IL17RD: variants seen among roughly 807,000 people sequenced by gnomAD.
IL17RD encodes the protein interleukin-17 receptor D.
Under a neutral mutation model 80.5 loss-of-function variants are expected in IL17RD, and 52 were observed. The observed-to-expected ratio is 0.65, with a 90% confidence interval of 0.52 to 0.81. The LOEUF is 0.81. IL17RD is among the 40% of genes least tolerant of loss of function. The pLI is 0.00. For synonymous variants in IL17RD, 416 were observed against 391.8 expected (o/e 1.06, Z -0.73); for missense variants, 1,024 against 955.1 (o/e 1.07, Z -0.95).
chr3:57,168,484 A>G (rs1423570087), upstream of IL17RD, among the ~76,000 whole-genome samples: 1 of 152,206 alleles, frequency 6.6e-6, no homozygotes. Flanking sequence ...AAACATGCCT[A>G]GAATGACATC....
upstream of IL17RD, chr3:57,170,204 C>T (rs1407882050): frequency 2.6e-5 from 4 of 152,314 alleles, no homozygotes; most frequent in Non-Finnish European, 1.5e-5. Flanking sequence ...CCCAGGACGC[C>T]CACCCCATAG....
chr3:57,098,111 C>A lies in IL17RD; in HGVS notation c.1592G>T (p.Arg531Met), dbSNP rs564636157. Reference sequence around the variant, plus strand: ...GCCTGACTTGCTCCGGAAGTAGTTCCTTCTGCTGCCCTGTCGCGTGTGCTG... The same window carrying A: ...GCCTGACTTGCTCCGGAAGTAGTTCATTCTGCTGCCCTGTCGCGTGTGCTG... ...PGQHTRQGSR[R>M]NYFRSKSGRS... is the part of the protein sequence containing the mutation. Residue 531 changes from arginine (R) to methionine (M), a missense_variant, in exon 12 of 13, where the codon AGG becomes ATG. By Grantham distance (91) the Arg-to-Met change is moderately conservative. Coordinates refer to ENST00000296318, the MANE Select transcript of IL17RD (RefSeq NM_017563.5). 1.1e-5 allele frequency: 17 copies of A among 1,613,980 alleles called. No homozygotes were observed. The East Asian group carries it at 3.8e-4, about 36-fold the overall frequency.
At position 57,106,139 on chromosome 3, in the gene IL17RD, A is replaced by C; in HGVS notation, c.566T>G (p.Leu189Ter). 6.2e-7 allele frequency: 1 copy of C among 1,612,362 alleles called. No homozygotes were observed. Among genetic ancestry groups the C allele is most frequent in the Admixed American group, 1.7e-5 (1 of 59,896 alleles). The change falls in exon 6 of 13, where the codon TTA (leucine) becomes TGA (stop). Residue 189 changes from leucine to a stop codon, truncating the protein, a stop_gained. Coordinates refer to ENST00000296318, the MANE Select transcript of IL17RD (RefSeq NM_017563.5). LOFTEE classifies it high-confidence loss of function. ...FFRTRACDLL[L>*]QPDNLACKPF... ...TTTACAAGCTAGATTGTCCGGCTGTAACAACAGGTCACAGGCTATTAAGAG... is the reference window on the plus strand; with the variant it reads ...TTTACAAGCTAGATTGTCCGGCTGTCACAACAGGTCACAGGCTATTAAGAG...
intron 1 of IL17RD, among the ~76,000 whole-genome samples, chr3:57,146,243 C>A (rs1402969598): frequency 6.6e-6 from 1 of 152,136 alleles, no homozygotes; most frequent in African/African-American, 2.4e-5. Flanking sequence ...ATTTTAAATT[C>A]TTACTTTAAA....
intron 4 of IL17RD, 62 bp downstream of exon 4, chr3:57,110,131 C>A: frequency 6.5e-7 from 1 of 1,541,994 alleles, no homozygotes; most frequent in South Asian, 1.2e-5. Flanking sequence ...ACTTTGAATA[C>A]ACTATTCAGG....
intron 1 of IL17RD, among the ~76,000 whole-genome samples, chr3:57,127,355 T>C (rs1420329040): frequency 1.1e-5 from 1 of 94,586 alleles, no homozygotes; most frequent in African/African-American, 5.2e-5. Context: ...TATAAATATA[T>C]ATAAATATAA....
At position 57,092,224 on chromosome 3, in the gene IL17RD, G is replaced by C. The variant is rs1243018080; in HGVS notation, c.*4169C>G. 1 of 152,622 alleles carries C rather than the reference G, an allele frequency of 6.6e-6. No individual in the cohort carries two copies. Among genetic ancestry groups the C allele is most frequent in the South Asian group, 2.1e-4 (1 of 4,824 alleles). 9.5% of individuals were successfully genotyped at this position (152,622 alleles called of 1,614,324 possible). ...CATGTCTTGGCCTATGCTCAGAATTGCACACCACCTGAAAAAAATTATGCC... is the reference window on the plus strand; with the variant it reads ...CATGTCTTGGCCTATGCTCAGAATTCCACACCACCTGAAAAAAATTATGCC... On this transcript the variant is annotated 3_prime_UTR_variant, in exon 13 of 13. Coordinates refer to ENST00000296318, the MANE Select transcript of IL17RD (RefSeq NM_017563.5).
At chr3:57,116,675 A>C (rs1387464211) in intron 2 of IL17RD, among the ~76,000 whole-genome samples, 1 of 152,086 alleles carries the variant, frequency 6.6e-6, no homozygotes, top group East Asian at 1.9e-4. Flanking sequence ...AGCAATCAAC[A>C]TATGTTCTCT....
At chr3:57,120,131 C>T in intron 2 of IL17RD, 125 bp downstream of exon 2, 2 of 741,758 alleles carry the variant, frequency 2.7e-6, no homozygotes, top group Non-Finnish European at 4.7e-6. Flanking sequence ...TAGCTGTTGA[C>T]AAACCTGAAC....
intron 1 of IL17RD, chr3:57,134,803 CATAA>C (rs1420808866): frequency 4.3e-5 from 17 of 398,716 alleles, no homozygotes; most frequent in South Asian, 1.2e-4. Context: ...CTTTACCTGC[CATAA>C]ATAAATAAAT....
At chr3:57,124,158 A>G (rs1707398769) in intron 1 of IL17RD, among the ~76,000 whole-genome samples, 1 of 152,130 alleles carries the variant, frequency 6.6e-6, no homozygotes, top group Non-Finnish European at 1.5e-5. Flanking sequence ...ACGCCCAAAT[A>G]ATACTTCAGC....
At chr3:57,112,950 T>C (rs141152561) in intron 3 of IL17RD, among the ~76,000 whole-genome samples, 2 of 152,344 alleles carry the variant, frequency 1.3e-5, no homozygotes, top group East Asian at 3.9e-4. Context: ...TCTCTGAAAA[T>C]GTACCATGTG....
At chr3:57,116,183 A>G (rs573364846) in intron 2 of IL17RD, among the ~76,000 whole-genome samples, 20 of 151,982 alleles carry the variant, frequency 1.3e-4, no homozygotes, top group Middle Eastern at 3.4e-3. Flanking sequence ...TGCTGCCTGT[A>G]TTCTGCTTTA....
At chr3:57,130,869 A>G (rs1296264361) in intron 1 of IL17RD, among the ~76,000 whole-genome samples, 3 of 152,236 alleles carry the variant, frequency 2.0e-5, no homozygotes, top group Admixed American at 2.0e-4. Flanking sequence ...CCAGGAAGTC[A>G]GCAGTGCCGG....
chr3:57,159,564 C>A (rs1303119629), intron 1 of IL17RD, among the ~76,000 whole-genome samples: 2 of 152,206 alleles, frequency 1.3e-5, no homozygotes. Flanking sequence ...ACAAACACTG[C>A]CCAGGAGGAC....
intron 11 of IL17RD, among the ~76,000 whole-genome samples, chr3:57,099,158 A>G (rs1027484998): frequency 6.6e-6 from 1 of 152,238 alleles, no homozygotes; most frequent in Non-Finnish European, 1.5e-5. Context: ...TAGTTGGTCC[A>G]TGGCTGGAGA....
intron 1 of IL17RD, among the ~76,000 whole-genome samples, chr3:57,147,562 A>G (rs1338193793): frequency 6.6e-6 from 1 of 152,208 alleles, no homozygotes; most frequent in Non-Finnish European, 1.5e-5. Context: ...CCAAAACGGC[A>G]AGGGAGATGG....
At chr3:57,169,352 G>A (rs979148323), upstream of IL17RD, 4 of 446,810 alleles carry the variant, frequency 9.0e-6, no homozygotes, top group Non-Finnish European at 1.8e-5. Context: ...GCACGCTTCA[G>A]TGGGCAAGAG....
At chr3:57,110,381 G>C (rs1430213292) in intron 3 of IL17RD, 70 bp from the exon 4 acceptor site, 1 of 1,484,326 alleles carries the variant, frequency 6.7e-7, no homozygotes, top group Non-Finnish European at 9.2e-7. Flanking sequence ...CTTCCTCCAA[G>C]ATTACCATCT....
Sources: gnomAD v4.1 joint callset for allele counts (sites outside exome capture counted in the v4.1 genomes callset) on GRCh38, gnomAD v4.1.1 for gene constraint, MANE v1.5 for transcripts, NCBI Gene and HGNC (gene_info 2026-07-23, HGNC 2026-07-21) for gene names.